The following TEKT3 variants were observed in gnomAD, a reference collection of about 807,000 sequenced individuals.
TEKT3 encodes the protein tektin 3.
TEKT3 carries 49 observed loss-of-function variants against 49.8 expected under a neutral mutation model. The observed-to-expected ratio is 0.98, with a 90% CI of 0.78 to 1.25. The LOEUF (loss-of-function observed/expected upper bound fraction) is 1.25. Ranked by LOEUF, TEKT3 falls within the 50% of genes most tolerant of loss-of-function variation. The probability of loss-of-function intolerance (pLI) is 0.00; values close to 1 mark genes in which losing one functional copy is unlikely to be tolerated. For synonymous variants in TEKT3, 225 were observed against 237.2 expected, an observed-to-expected ratio of 0.95 and a Z score of 0.47; for missense variants, 595 against 629.5, an observed-to-expected ratio of 0.95 and a Z score of 0.59.
intron 2 of TEKT3, among the ~76,000 whole-genome samples, chr17:15,332,849 CACTA>C (rs1911823448): frequency 6.6e-6 from 1 of 152,082 alleles, no homozygotes; most frequent in Non-Finnish European, 1.5e-5. Context: ...CAGAAGTAGC[CACTA>C]AATAGTTCAT....
intron 5 of TEKT3, among the ~76,000 whole-genome samples, chr17:15,317,079 CAG>C (rs1485705934): frequency 1.3e-5 from 2 of 152,142 alleles, no homozygotes; most frequent in African/African-American, 4.8e-5. Flanking sequence ...CTGCCCTGGA[CAG>C]ATCACAGTGG....
At chr17:15,318,443 C>T (rs1258808107) in intron 5 of TEKT3, among the ~76,000 whole-genome samples, 1 of 152,130 alleles carries the variant, frequency 6.6e-6, no homozygotes, top group Non-Finnish European at 1.5e-5. Context: ...ATCTTAGTTA[C>T]ACTCAAGTGA....
In TEKT3 at chr17:15,339,542, G is replaced by A. The variant is rs76348972; in HGVS notation, c.-30+486C>T. 4.8e-3 allele frequency among the ~76,000 whole-genome samples: 723 copies of A among 152,154 alleles called. 11 individuals are homozygous for A. The East Asian group carries it at 0.06, about 13-fold the overall frequency. ...CAATCACACAGAGATTTTAAGAACC[G>A]GAAAGCTCCATTTGCTATCCAAAAG... On this transcript the variant is annotated intron_variant, in intron 2 of 8. Coordinates refer to ENST00000395930, the MANE Select transcript of TEKT3 (RefSeq NM_031898.3).
intron 4 of TEKT3, among the ~76,000 whole-genome samples, chr17:15,322,479 GTGGGCTC>G (rs1374553186): frequency 6.6e-6 from 1 of 152,184 alleles, no homozygotes; most frequent in Non-Finnish European, 1.5e-5. Flanking sequence ...CATGTAAGAT[GTGGGCTC>G]TGCTATACTG....
chr17:15,316,792 A>C (rs1911031373), intron 5 of TEKT3, among the ~76,000 whole-genome samples: 2 of 152,176 alleles, frequency 1.3e-5, no homozygotes, highest in Non-Finnish European at 2.9e-5. Context: ...ACAGATGCTA[A>C]GTGCTCAGTA....
At chr17:15,340,379 C>CAAAAAA (rs11351552) in intron 1 of TEKT3, 2 of 129,412 alleles carry the variant, frequency 1.5e-5, no homozygotes, top group African/African-American at 5.8e-5. Flanking sequence ...ACTAAAAATA[C>CAAAAAA]AAAAAAAAAA....
intron 4 of TEKT3, among the ~76,000 whole-genome samples, chr17:15,324,621 A>G (rs1356467499): frequency 1.3e-5 from 2 of 152,152 alleles, no homozygotes; most frequent in South Asian, 4.1e-4. Flanking sequence ...TATTAGAACT[A>G]TCCTCATGGG....
At chr17:15,315,146 C>T (rs1910944677) in intron 5 of TEKT3, among the ~76,000 whole-genome samples, 2 of 152,194 alleles carry the variant, frequency 1.3e-5, no homozygotes. Flanking sequence ...GAGGAGACAG[C>T]ACATTCAATG....
At chr17:15,319,223 A>G in intron 4 of TEKT3, 76 bp from the exon 5 acceptor site, 2 of 990,596 alleles carry the variant, frequency 2.0e-6, no homozygotes, top group Non-Finnish European at 3.0e-6. Context: ...TGTAACAAAC[A>G]TCAATGAAGG....
In TEKT3 at chr17:15,319,089, A is replaced by G. The variant is rs1383561231; in HGVS notation, c.722T>C (p.Ile241Thr). 3 of 1,612,200 alleles carry G rather than the reference A, an allele frequency of 1.9e-6. No homozygotes were observed. The highest frequency in any genetic ancestry group is 1.1e-5 in the South Asian group (1 of 90,458). Residue 241 changes from isoleucine (I) to threonine (T), a missense_variant, in exon 5 of 9, where the codon ATT becomes ACT. Ile to Thr is a moderately conservative substitution (Grantham distance 89). Coordinates refer to ENST00000395930, the MANE Select transcript of TEKT3 (RefSeq NM_031898.3). The part of the protein sequence containing the change: ...ERMKLHLDKA[I>T]AQLAANRASQ... ...ATAAAGCTCTTACGCAAGTTGGGCA[A>G]TAGCCTTATCCAAATGTAGCTTCAT...
chr17:15,316,582 A>C (rs1247414208), intron 5 of TEKT3, among the ~76,000 whole-genome samples: 1 of 152,170 alleles, frequency 6.6e-6, no homozygotes, highest in Non-Finnish European at 1.5e-5. Context: ...ATATCAATGA[A>C]GCAAAATTGC....
chr17:15,337,843 G>T (rs1419880118), intron 2 of TEKT3, among the ~76,000 whole-genome samples: 1 of 151,796 alleles, frequency 6.6e-6, no homozygotes, highest in African/African-American at 2.4e-5. Flanking sequence ...TCCATCTCAA[G>T]AGAAAAGAAA....
At chr17:15,313,492 G>A (rs2150737108) in intron 6 of TEKT3, among the ~76,000 whole-genome samples, 1 of 152,116 alleles carries the variant, frequency 6.6e-6, no homozygotes, top group South Asian at 2.1e-4. Flanking sequence ...GGCAACTTGT[G>A]GCTTGTCTGT....
intron 8 of TEKT3, among the ~76,000 whole-genome samples, chr17:15,306,089 A>ATG (rs58688985): frequency 0.12 from 17,071 of 144,156 alleles, 1,157 homozygotes; most frequent in Admixed American, 0.19. Context: ...ATTTATATAT[A>ATG]TGTGTGTGTG....
At chr17:15,306,675 AC>A (rs1298204700) in intron 8 of TEKT3, among the ~76,000 whole-genome samples, 5 of 152,078 alleles carry the variant, frequency 3.3e-5, no homozygotes, top group Admixed American at 1.3e-4. Flanking sequence ...TTTAAAAGCA[AC>A]CCTGTGTCTG....
intron 5 of TEKT3, among the ~76,000 whole-genome samples, chr17:15,317,876 A>G (rs11654114): frequency 0.03 from 4,494 of 152,132 alleles, 106 homozygotes; most frequent in Non-Finnish European, 0.047. Context: ...CATCCCCTGG[A>G]AGAATGTGTA....
intron 4 of TEKT3, among the ~76,000 whole-genome samples, chr17:15,322,268 G>A (rs570633970): frequency 7.5e-4 from 114 of 152,304 alleles, no homozygotes; most frequent in African/African-American, 2.5e-3. Flanking sequence ...AAGCTTCGGC[G>A]TCAGACAGCC....
chr17:15,316,020 T>C (rs1910990066), intron 5 of TEKT3, among the ~76,000 whole-genome samples: 1 of 152,248 alleles, frequency 6.6e-6, no homozygotes, highest in Admixed American at 6.5e-5. Context: ...TTTTCTTCTT[T>C]GTAAAGTGTA....
chr17:15,309,816 C>T (rs930246211), intron 7 of TEKT3, among the ~76,000 whole-genome samples: 14 of 152,154 alleles, frequency 9.2e-5, no homozygotes, highest in Admixed American at 9.2e-4. Flanking sequence ...TCAAAGCTGA[C>T]ATCGAGGCCT....
Sources: gnomAD v4.1 joint callset for allele counts (sites outside exome capture counted in the v4.1 genomes callset) on GRCh38, gnomAD v4.1.1 for gene constraint, MANE v1.5 for transcripts, NCBI Gene and HGNC (gene_info 2026-07-23, HGNC 2026-07-21) for gene names.